The following PDE8B variants were observed in gnomAD, a reference collection of about 807,000 sequenced individuals.
The protein encoded by PDE8B is high affinity cAMP-specific and IBMX-insensitive 3',5'-cyclic phosphodiesterase 8B.
PDE8B carries 26 observed loss-of-function variants against 101.3 expected under a neutral mutation model. The ratio of observed to expected loss-of-function variants is 0.26; its 90% CI spans 0.19 to 0.36. The LOEUF (loss-of-function observed/expected upper bound fraction) is 0.36, where lower values mean the gene tolerates loss of function less well. PDE8B is among the 10% of genes least tolerant of loss of function. The pLI, the probability that PDE8B is intolerant of heterozygous loss-of-function variation, is 1.00. For synonymous variants in PDE8B, 424 were observed against 429.3 expected (o/e 0.99, Z 0.15); for missense variants, 810 against 1,163.1 (o/e 0.70, Z 4.42).
At chr5:77,117,449 TCTTTAC>T in the PDE8B span, among the ~76,000 whole-genome samples, 1 of 152,198 alleles carries the variant, frequency 6.6e-6, no homozygotes, top group Non-Finnish European at 1.5e-5. Context: ...TAGGACTCCA[TCTTTAC>T]CTTTACCATG....
At chr5:77,088,836 C>G in the PDE8B span, 1 of 152,318 alleles carries the variant, frequency 6.6e-6, no homozygotes, top group East Asian at 1.9e-4. Flanking sequence ...TGCCTCTCTT[C>G]ATTTAGGGCC....
intron 1 of PDE8B, among the ~76,000 whole-genome samples, chr5:77,238,434 A>G (rs1235947839): frequency 2.6e-5 from 4 of 152,012 alleles, no homozygotes; most frequent in Non-Finnish European, 5.9e-5. Context: ...TATATCTTCT[A>G]TTCTTTGCTG....
chr5:77,376,400 C>T (rs951950489), intron 10 of PDE8B, among the ~76,000 whole-genome samples: 9 of 152,188 alleles, frequency 5.9e-5, no homozygotes, highest in African/African-American at 2.2e-4. Context: ...TCAGTCACAT[C>T]CCAGTGCCTA....
chr5:77,116,447 G>A, the PDE8B span, among the ~76,000 whole-genome samples: 9 of 152,024 alleles, frequency 5.9e-5, no homozygotes, highest in East Asian at 1.2e-3. Context: ...TCACCATGTC[G>A]TCCAGTCTGG....
chr5:77,141,035 C>A, the PDE8B span: 1 of 151,964 alleles, frequency 6.6e-6, no homozygotes, highest in Non-Finnish European at 1.5e-5. Flanking sequence ...AGAGGGAATT[C>A]TTCTATATAA....
At chr5:77,389,917 T>C (rs529257426) in intron 10 of PDE8B, among the ~76,000 whole-genome samples, 4 of 152,312 alleles carry the variant, frequency 2.6e-5, no homozygotes, top group African/African-American at 7.2e-5. Context: ...TTCTTGTGAA[T>C]ATATGCTTCT....
At chr5:77,304,438 T>C (rs1580911028) in intron 1 of PDE8B, among the ~76,000 whole-genome samples, 1 of 152,310 alleles carries the variant, frequency 6.6e-6, no homozygotes, top group African/African-American at 2.4e-5. Context: ...TATTTTTGGG[T>C]TTTTATGTTT....
At chr5:77,094,008 G>A in the PDE8B span, among the ~76,000 whole-genome samples, 6 of 152,012 alleles carry the variant, frequency 3.9e-5, no homozygotes, top group African/African-American at 1.4e-4. Context: ...AAAACAACAG[G>A]TGTTTATTCT....
intron 1 of PDE8B, chr5:77,246,989 C>T (rs1371834706): frequency 2.0e-5 from 3 of 152,144 alleles, no homozygotes; most frequent in East Asian, 1.9e-4. Context: ...TAGTTCCTAC[C>T]TCATAGGTTG....
At chr5:77,340,863 AC>A (rs1365344535) in intron 6 of PDE8B, among the ~76,000 whole-genome samples, 1 of 151,850 alleles carries the variant, frequency 6.6e-6, no homozygotes, top group African/African-American at 2.4e-5. Flanking sequence ...TTATACCTGG[AC>A]CCCTGTAATA....
At chr5:77,395,046 C>T (rs900867828) in intron 10 of PDE8B, among the ~76,000 whole-genome samples, 5 of 152,236 alleles carry the variant, frequency 3.3e-5, no homozygotes, top group African/African-American at 1.2e-4. Flanking sequence ...AAAGCAGGGG[C>T]TCACCATGGT....
At chr5:77,309,943 CTTTTTTT>C (rs955296324) in intron 1 of PDE8B, among the ~76,000 whole-genome samples, 18 of 114,168 alleles carry the variant, frequency 1.6e-4, no homozygotes, top group Non-Finnish European at 2.2e-4. Context: ...AATCATTAAT[CTTTTTTT>C]TTTTTTTTTT....
the PDE8B span, chr5:77,118,971 T>C: frequency 6.6e-6 from 1 of 152,104 alleles, no homozygotes; most frequent in African/African-American, 2.4e-5. Flanking sequence ...ATTTGCAAAA[T>C]GATACTAGGG....
chr5:77,391,572 C>A (rs1789929790), intron 10 of PDE8B, among the ~76,000 whole-genome samples: 1 of 152,178 alleles, frequency 6.6e-6, no homozygotes, highest in African/African-American at 2.4e-5. Context: ...ACCTGTCATC[C>A]CTGCTTCTCC....
intron 1 of PDE8B, among the ~76,000 whole-genome samples, chr5:77,262,192 TA>T (rs5868861): frequency 0.048 from 7,067 of 147,308 alleles, 288 homozygotes; most frequent in African/African-American, 0.11. Flanking sequence ...GTGTGCCTGG[TA>T]AAAAAAAAAC....
chr5:77,265,672 C>T (rs1464887864), intron 1 of PDE8B, among the ~76,000 whole-genome samples: 1 of 152,216 alleles, frequency 6.6e-6, no homozygotes, highest in African/African-American at 2.4e-5. Flanking sequence ...ATAGTACCTT[C>T]CCTCTCTGGG....
chr5:77,380,887 C>G (rs1029642096), intron 10 of PDE8B, among the ~76,000 whole-genome samples: 1 of 152,130 alleles, frequency 6.6e-6, no homozygotes, highest in Non-Finnish European at 1.5e-5. Flanking sequence ...CCTTGGAAAT[C>G]GTGTTTGAGC....
At chr5:77,247,085 G>C (rs1273199002) in intron 1 of PDE8B, among the ~76,000 whole-genome samples, 2 of 152,176 alleles carry the variant, frequency 1.3e-5, no homozygotes, top group Non-Finnish European at 2.9e-5. Flanking sequence ...AAGGTTCATT[G>C]TTGTGCTATG....
chr5:77,225,582 T>C (rs1752158363), intron 1 of PDE8B, among the ~76,000 whole-genome samples: 1 of 152,188 alleles, frequency 6.6e-6, no homozygotes, highest in Admixed American at 6.5e-5. Flanking sequence ...AAATGGTATT[T>C]AGAGGTATGA....
Sources: gnomAD v4.1 joint callset for allele counts (sites outside exome capture counted in the v4.1 genomes callset) on GRCh38, gnomAD v4.1.1 for gene constraint, MANE v1.5 for transcripts, NCBI Gene and HGNC (gene_info 2026-07-23, HGNC 2026-07-21) for gene names.